Variants in TPST1 observed in about 807,000 individuals in gnomAD.
TPST1 encodes the protein tyrosylprotein sulfotransferase 1.
TPST1 carries 20 observed loss-of-function variants against 34.8 expected under a neutral mutation model. That is an observed-to-expected ratio of 0.57 (90% CI 0.40 to 0.84). The LOEUF is 0.84. Among genes scored for constraint, TPST1 ranks in the 40% least tolerant of loss-of-function variants. The pLI is 0.00. For synonymous variants in TPST1, 152 were observed against 159.4 expected (o/e 0.95, Z 0.35); for missense variants, 353 against 455.5 (o/e 0.78, Z 2.05).
chr7:66,338,370 G>A (rs80095940), intron 3 of TPST1, among the ~76,000 whole-genome samples: 2,039 of 152,124 alleles, frequency 0.013, 56 homozygotes, highest in African/African-American at 0.046. Context: ...GAGATAGACT[G>A]CAATACAGTA....
intron 2 of TPST1, among the ~76,000 whole-genome samples, chr7:66,260,375 T>C (rs1790464956): frequency 6.6e-6 from 1 of 152,222 alleles, no homozygotes; most frequent in African/African-American, 2.4e-5. Context: ...GTGGAGTCAA[T>C]GTGAATGTCA....
chr7:66,218,723 T>C (rs1196653104), intron 1 of TPST1, among the ~76,000 whole-genome samples: 2 of 151,964 alleles, frequency 1.3e-5, no homozygotes, highest in Non-Finnish European at 2.9e-5. Flanking sequence ...GGCGGGCGCC[T>C]GTAGTCCCAG....
chr7:66,202,807 C>G (rs1202391635), upstream of TPST1, among the ~76,000 whole-genome samples: 3 of 152,142 alleles, frequency 2.0e-5, no homozygotes, highest in East Asian at 1.9e-4. Context: ...GGCGCGGTGG[C>G]TCACACCTGT....
intron 3 of TPST1, among the ~76,000 whole-genome samples, chr7:66,325,702 C>T (rs1791851572): frequency 6.6e-6 from 1 of 152,116 alleles, no homozygotes; most frequent in Admixed American, 6.6e-5. Flanking sequence ...GTGGCATTAT[C>T]TTGGCTTACC....
At chr7:66,222,357 G>T (rs1336020092) in intron 1 of TPST1, among the ~76,000 whole-genome samples, 1 of 151,256 alleles carries the variant, frequency 6.6e-6, no homozygotes, top group Non-Finnish European at 1.5e-5. Context: ...CTGCACTCCA[G>T]CCTGGGCCAC....
chr7:66,307,585 G>A (rs1791450574), intron 3 of TPST1, among the ~76,000 whole-genome samples: 1 of 152,196 alleles, frequency 6.6e-6, no homozygotes, highest in Admixed American at 6.5e-5. Context: ...TTTTTAGATG[G>A]AAGCGGTCCA....
At chr7:66,260,338 G>A (rs1790463994) in intron 2 of TPST1, among the ~76,000 whole-genome samples, 1 of 152,200 alleles carries the variant, frequency 6.6e-6, no homozygotes, top group Non-Finnish European at 1.5e-5. Context: ...CAAAGTCTGT[G>A]TTAAGTATGT....
chr7:66,261,596 GA>G (rs1475829127), intron 2 of TPST1, among the ~76,000 whole-genome samples: 17 of 151,886 alleles, frequency 1.1e-4, no homozygotes, highest in African/African-American at 4.1e-4. Context: ...GATTCTTTAG[GA>G]AAGTCTTTGT....
chr7:66,347,053 G>T (rs1290217175), intron 3 of TPST1, among the ~76,000 whole-genome samples: 11 of 67,906 alleles, frequency 1.6e-4, no homozygotes, highest in African/African-American at 4.3e-4. Context: ...TTTTTCCTTT[G>T]CTTTTCTTTT....
chr7:66,248,319 A>T (rs1292282262), intron 2 of TPST1, among the ~76,000 whole-genome samples: 3 of 152,116 alleles, frequency 2.0e-5, no homozygotes. Context: ...TTGGAAGTGA[A>T]GTGGCCCTCC....
chr7:66,284,612 A>G (rs922126732), intron 2 of TPST1, among the ~76,000 whole-genome samples: 1 of 135,914 alleles, frequency 7.4e-6, no homozygotes, highest in Admixed American at 8.3e-5. Flanking sequence ...TCTGGAGTGC[A>G]GTGGTGTGAT....
intron 3 of TPST1, among the ~76,000 whole-genome samples, chr7:66,312,783 A>G (rs754929503): frequency 6.6e-6 from 1 of 152,194 alleles, no homozygotes; most frequent in Non-Finnish European, 1.5e-5. Context: ...TCCAGAATGT[A>G]CAGCAAAAGA....
chr7:66,241,301 T>G, intron 2 of TPST1, 31 bp downstream of exon 2: 2 of 1,567,528 alleles, frequency 1.3e-6, no homozygotes, highest in Non-Finnish European at 1.7e-6. Context: ...TTATTTTGAC[T>G]CTATATTTAG....
At chr7:66,224,181 A>G (rs1418449460) in intron 1 of TPST1, among the ~76,000 whole-genome samples, 1 of 152,226 alleles carries the variant, frequency 6.6e-6, no homozygotes, top group Non-Finnish European at 1.5e-5. Context: ...CTCTTGCAAC[A>G]ATGGTTTCAT....
At position 66,278,100 on chromosome 7, in the gene TPST1, CAAAAAAAAAAAA is replaced by C. The variant is rs35654351; in HGVS notation, c.846-8393_846-8382del. On this transcript the variant is annotated intron_variant, in intron 2 of 5. Transcript: ENST00000304842. ...GGGCAACAAGAATGTGACTCCATCT[CAAAAAAAAAAAA>C]AAAAAAAAAAAAAAAAATTGCAGAA... 9.8e-4 allele frequency among the ~76,000 whole-genome samples: 49 copies of C among 50,256 alleles called. 1 individual carries two copies. Among genetic ancestry groups the C allele is most frequent in the South Asian group, 1.3e-3 (1 of 762 alleles). The allele number at this position is 50,256 out of a possible 152,430, so 33.0% of individuals were successfully genotyped here.
At chr7:66,330,551 C>G (rs752978622) in intron 3 of TPST1, among the ~76,000 whole-genome samples, 13 of 152,208 alleles carry the variant, frequency 8.5e-5, no homozygotes, top group African/African-American at 1.2e-4. Flanking sequence ...GGCACATTTT[C>G]TACCTTCCAC....
chr7:66,307,150 A>G (rs77320439), intron 3 of TPST1, among the ~76,000 whole-genome samples: 1 of 150,246 alleles, frequency 6.7e-6, no homozygotes, highest in South Asian at 2.1e-4. Flanking sequence ...TTTTTTTTTT[A>G]GATGGAGTCT....
chr7:66,267,821 T>A (rs770182329), intron 2 of TPST1, among the ~76,000 whole-genome samples: 1 of 152,214 alleles, frequency 6.6e-6, no homozygotes, highest in Non-Finnish European at 1.5e-5. Flanking sequence ...CCTGCCCTTA[T>A]GGAACATATA....
chr7:66,263,161 G>A (rs780043506), intron 2 of TPST1, among the ~76,000 whole-genome samples: 1 of 151,964 alleles, frequency 6.6e-6, no homozygotes, highest in Non-Finnish European at 1.5e-5. Flanking sequence ...TTGTTAAACA[G>A]GTTAAAGGGA....
Sources: allele counts gnomAD v4.1 joint callset (sites outside exome capture counted in the v4.1 genomes callset), GRCh38; gene constraint gnomAD v4.1.1; transcripts MANE v1.5; gene names NCBI Gene and HGNC (gene_info 2026-07-23, HGNC 2026-07-21).